Variants in BNC2 observed in about 807,000 individuals in gnomAD.
The protein encoded by BNC2 is basonuclin zinc finger protein 2, also known as zinc finger protein basonuclin-2.
A neutral mutation model predicts 76.3 loss-of-function variants in BNC2; 20 were observed. The observed-to-expected ratio is 0.26, with a 90% CI of 0.18 to 0.38. The LOEUF (loss-of-function observed/expected upper bound fraction) is 0.38, where lower values mean the gene tolerates loss of function less well. Ranked by LOEUF, BNC2 falls within the 10% of genes least tolerant of loss-of-function variation. BNC2 has a pLI of 1.00. For missense variants in BNC2, 1,382 were observed against 1,399.8 expected, an observed-to-expected ratio of 0.99 and a Z score of 0.20; for synonymous variants, 582 against 514.8, an observed-to-expected ratio of 1.13 and a Z score of -1.77.
chr9:16,562,145 G>T (rs1245744039), intron 4 of BNC2, among the ~76,000 whole-genome samples: 2 of 152,132 alleles, frequency 1.3e-5, no homozygotes, highest in Non-Finnish European at 2.9e-5. Flanking sequence ...ATGTAAAATG[G>T]GCAATGATAA....
At chr9:16,618,858 C>G (rs1156359443) in intron 3 of BNC2, among the ~76,000 whole-genome samples, 1 of 152,116 alleles carries the variant, frequency 6.6e-6, no homozygotes, top group Non-Finnish European at 1.5e-5. Flanking sequence ...TCCTGAAGCT[C>G]TAAGAAAAGG....
At chr9:16,807,148 G>C (rs1485721454) in intron 1 of BNC2, among the ~76,000 whole-genome samples, 1 of 152,066 alleles carries the variant, frequency 6.6e-6, no homozygotes, top group Admixed American at 6.6e-5. Flanking sequence ...TTAAGTTTTA[G>C]TATCCTTCTT....
intron 3 of BNC2, among the ~76,000 whole-genome samples, chr9:16,667,308 C>T (rs1822329311): frequency 6.6e-6 from 1 of 152,292 alleles, no homozygotes. Flanking sequence ...TTTCCTTTTG[C>T]AAATTTAACC....
chr9:16,514,499 T>TA (rs143676318), intron 5 of BNC2, among the ~76,000 whole-genome samples: 14,401 of 151,940 alleles, frequency 0.095, 1,990 homozygotes, highest in African/African-American at 0.31. Context: ...GATTTTTTTT[T>TA]AAAAAGGGGG....
intron 1 of BNC2, among the ~76,000 whole-genome samples, chr9:16,817,125 A>T (rs193230781): frequency 7.9e-4 from 121 of 152,324 alleles, no homozygotes; most frequent in Non-Finnish European, 1.5e-3. Context: ...CCAACTTAAA[A>T]ATCTCTTTGA....
chr9:16,631,273 C>G (rs571210134), intron 3 of BNC2, among the ~76,000 whole-genome samples: 76 of 152,224 alleles, frequency 5.0e-4, no homozygotes, highest in Admixed American at 9.8e-4. Context: ...CCTTATCTTT[C>G]TAACAAAAAT....
chr9:16,808,793 C>T (rs1157777933), intron 1 of BNC2, among the ~76,000 whole-genome samples: 1 of 151,630 alleles, frequency 6.6e-6, no homozygotes, highest in African/African-American at 2.4e-5. Context: ...GCAAAATAAA[C>T]ACTGTAAGGT....
intron 1 of BNC2, among the ~76,000 whole-genome samples, chr9:16,869,076 T>C (rs73646715): frequency 0.024 from 3,691 of 152,198 alleles, 148 homozygotes; most frequent in African/African-American, 0.083. Flanking sequence ...AGAAAAATAA[T>C]ACCTGCCACC....
rs1255193156 is a variant in BNC2 at position 16,409,774 on chromosome 9, T to C, written c.*9215A>G. Reference sequence around the variant, plus strand: ...AAACCCTTGTTCAAGGTACATACAGTATTTAGGAAGCTACCAACGTCACAA... The same window carrying C: ...AAACCCTTGTTCAAGGTACATACAGCATTTAGGAAGCTACCAACGTCACAA... On this transcript the variant is annotated 3_prime_UTR_variant, in exon 7 of 7. Coordinates refer to ENST00000380672, the MANE Select transcript of BNC2 (RefSeq NM_017637.6). 16 of 152,442 alleles carry C rather than the reference T, an allele frequency of 1.0e-4. No individual in the cohort carries two copies. Among genetic ancestry groups the C allele is most frequent in the Admixed American group, 9.8e-4 (15 of 15,268 alleles). The allele number at this position is 152,442 out of a possible 1,614,324, so 9.4% of individuals were successfully genotyped here.
rs533690071 is a variant in BNC2, at chr9:16,601,811, T to C, written c.331-18726A>G. ...ATTTTTCAATACGCATTTAGGAAAG[T>C]AGAGAGATTGCGTACAACTGGCCGT... is the stretch of plus-strand genomic sequence containing the variant. On this transcript the variant is annotated intron_variant, in intron 3 of 6. Coordinates refer to ENST00000380672, the MANE Select transcript of BNC2 (RefSeq NM_017637.6). Among the ~76,000 whole-genome samples, 4 of 152,282 alleles carry C rather than the reference T, an allele frequency of 2.6e-5. No individual in the cohort carries two copies. In the South Asian group the frequency reaches 6.2e-4, roughly 24 times the overall value.
intron 1 of BNC2, among the ~76,000 whole-genome samples, chr9:16,836,310 CG>C (rs1028731294): frequency 3.5e-4 from 53 of 151,898 alleles, no homozygotes; most frequent in African/African-American, 1.2e-3. Flanking sequence ...AATCAGAGGT[CG>C]TTTTTTTAGG....
At chr9:16,525,765 T>C (rs1266074019) in intron 5 of BNC2, among the ~76,000 whole-genome samples, 1 of 152,204 alleles carries the variant, frequency 6.6e-6, no homozygotes, top group Admixed American at 6.5e-5. Context: ...GTGCTCACTA[T>C]ATTCCCCTTC....
intron 1 of BNC2, chr9:16,775,972 C>G (rs1327985754): frequency 2.6e-5 from 4 of 152,190 alleles, no homozygotes; most frequent in Non-Finnish European, 4.4e-5. Context: ...CAAAACCTAC[C>G]TGACCAACGC....
At chr9:16,732,381 C>CA (rs1587361579) in intron 2 of BNC2, among the ~76,000 whole-genome samples, 1 of 151,900 alleles carries the variant, frequency 6.6e-6, no homozygotes, top group East Asian at 1.9e-4. Flanking sequence ...TAACTGCAGG[C>CA]AAAAAAACCT....
chr9:16,789,158 T>C (rs902633069), intron 1 of BNC2, among the ~76,000 whole-genome samples: 36 of 152,142 alleles, frequency 2.4e-4, no homozygotes, highest in African/African-American at 8.7e-4. Context: ...TCCATTTACA[T>C]GATATTTTGA....
intron 5 of BNC2, among the ~76,000 whole-genome samples, chr9:16,450,388 T>C (rs770408151): frequency 1.3e-5 from 2 of 152,214 alleles, no homozygotes; most frequent in Non-Finnish European, 2.9e-5. Flanking sequence ...TAAATAAATG[T>C]TTGTGTGAGA....
intron 5 of BNC2, among the ~76,000 whole-genome samples, chr9:16,498,867 G>A (rs1333531924): frequency 6.6e-6 from 1 of 152,050 alleles, no homozygotes; most frequent in Non-Finnish European, 1.5e-5. Context: ...CGCAGAGGAG[G>A]TGCGTGTCCC....
intron 5 of BNC2, among the ~76,000 whole-genome samples, chr9:16,549,655 G>C (rs1818599118): frequency 1.3e-5 from 2 of 152,102 alleles, no homozygotes; most frequent in Admixed American, 1.3e-4. Flanking sequence ...CATTACTTTA[G>C]AAGAATGGGT....
intron 5 of BNC2, among the ~76,000 whole-genome samples, chr9:16,506,706 A>C (rs1822636058): frequency 6.7e-6 from 1 of 149,932 alleles, no homozygotes; most frequent in Admixed American, 6.6e-5. Flanking sequence ...TTGTATTTTT[A>C]GTTGAGACGG....
Sources: gnomAD v4.1 joint callset for allele counts (sites outside exome capture counted in the v4.1 genomes callset) on GRCh38, gnomAD v4.1.1 for gene constraint, MANE v1.5 for transcripts, NCBI Gene and HGNC (gene_info 2026-07-23, HGNC 2026-07-21) for gene names.